Variants in CMC2 observed in about 807,000 individuals in gnomAD.
The protein encoded by CMC2 is COX assembly mitochondrial protein 2 homolog.
A neutral mutation model predicts 7.5 loss-of-function variants in CMC2; 5 were observed. The ratio of observed to expected loss-of-function variants is 0.66; its 90% CI spans 0.35 to 1.40. The LOEUF (loss-of-function observed/expected upper bound fraction) is 1.40. CMC2 is among the 40% of genes most tolerant of loss of function. The probability of loss-of-function intolerance (pLI) is 0.04; values close to 1 mark genes in which losing one functional copy is unlikely to be tolerated. For synonymous variants in CMC2, 37 were observed against 31.4 expected (o/e 1.18, Z -0.60); for missense variants, 115 against 92.3 (o/e 1.25, Z -1.01).
At chr16:80,980,270 T>C (rs1967022966) in intron 3 of CMC2, among the ~76,000 whole-genome samples, 1 of 151,214 alleles carries the variant, frequency 6.6e-6, no homozygotes, top group South Asian at 2.1e-4. Context: ...GGCTTTTTCA[T>C]ATAAAGGACA....
intron 2 of CMC2, chr16:80,983,251 G>C (rs1967268031): frequency 6.6e-6 from 1 of 152,212 alleles, no homozygotes; most frequent in South Asian, 2.1e-4. Context: ...GAGTCAAAAA[G>C]TTATATGTGG....
At position 80,980,261 on chromosome 16, in the gene CMC2, G is replaced by C. The variant is rs140846272; in HGVS notation, c.153+1545C>G. ...CTAGGTGTATTTTTCATGTAAACTG[G>C]CTTTTTCATATAAAGGACAAACATT... On this transcript the variant is annotated intron_variant, in intron 3 of 3. Transcript: ENST00000219400. Among the ~76,000 whole-genome samples the C allele has an allele frequency of 8.2e-4, 125 of 151,560 alleles. 1 individual carries two copies. The highest frequency in any genetic ancestry group is 2.8e-3 in the African/African-American group (115 of 41,248).
intron 1 of CMC2, 102 bp downstream of exon 1, chr16:81,006,632 G>C (rs1210360286): frequency 1.1e-6 from 1 of 881,998 alleles, no homozygotes; most frequent in Non-Finnish European, 1.4e-6. Flanking sequence ...CCACCTCCTG[G>C]GGCCGACGGG....
intron 3 of CMC2, among the ~76,000 whole-genome samples, chr16:80,981,106 C>T (rs1266000335): frequency 6.9e-6 from 1 of 144,190 alleles, no homozygotes; most frequent in East Asian, 2.0e-4. Flanking sequence ...TCAAAAATAA[C>T]AAAAATGATA....
rs1911859334 is a variant in CMC2, at chr16:80,970,785, T to C, written c.*5308A>G. The C allele has an allele frequency of 6.6e-6, 1 of 152,114 alleles. No individual in the cohort carries two copies. Among genetic ancestry groups the C allele is most frequent in the African/African-American group, 2.4e-5 (1 of 41,434 alleles). The allele number at this position is 152,114 out of a possible 1,614,324, so 9.4% of individuals were successfully genotyped here. ...ACTCCAATGTATCAGTAATAGGAAA[T>C]TAGAATAAATTGGATGCAGGGGCTC... On this transcript the variant is annotated 3_prime_UTR_variant, in exon 4 of 4. Coordinates refer to ENST00000219400, the MANE Select transcript of CMC2 (RefSeq NM_020188.5).
intron 2 of CMC2, among the ~76,000 whole-genome samples, chr16:80,995,232 T>C (rs997105821): frequency 3.4e-5 from 5 of 148,440 alleles, no homozygotes; most frequent in Non-Finnish European, 7.6e-5. Flanking sequence ...TAAATGTCCA[T>C]TAATAGGTAA....
chr16:81,005,441 A>ATAT (rs1597289398), intron 1 of CMC2, among the ~76,000 whole-genome samples: 3 of 139,248 alleles, frequency 2.2e-5, no homozygotes, highest in Admixed American at 7.2e-5. Flanking sequence ...TATATATATA[A>ATAT]ATAAATAACA....
intron 2 of CMC2, among the ~76,000 whole-genome samples, chr16:80,985,598 A>C (rs1235063642): frequency 3.9e-5 from 6 of 152,266 alleles, no homozygotes; most frequent in Non-Finnish European, 8.8e-5. Flanking sequence ...CCACATAAAC[A>C]ATAGCTCCCT....
At chr16:80,990,272 G>C (rs1235017106) in intron 2 of CMC2, among the ~76,000 whole-genome samples, 2 of 152,136 alleles carry the variant, frequency 1.3e-5, no homozygotes, top group Non-Finnish European at 2.9e-5. Context: ...CCAGGTTCAA[G>C]TGATTCTCCT....
At chr16:81,006,581 A>T in intron 1 of CMC2, 153 bp downstream of exon 1, 3 of 432,490 alleles carry the variant, frequency 6.9e-6, no homozygotes, top group Non-Finnish European at 9.3e-6. Flanking sequence ...CCAGCGCAGC[A>T]GCCCGGCTGT....
intron 3 of CMC2, among the ~76,000 whole-genome samples, chr16:80,977,845 G>A (rs1488962913): frequency 6.6e-6 from 1 of 152,208 alleles, no homozygotes; most frequent in Admixed American, 6.5e-5. Flanking sequence ...GCTGAGGCGA[G>A]CAGATCACCT....
intron 3 of CMC2, among the ~76,000 whole-genome samples, chr16:80,977,317 C>T (rs150863216): frequency 0.025 from 3,768 of 152,218 alleles, 82 homozygotes; most frequent in Non-Finnish European, 0.033. Flanking sequence ...AAATAGTTAA[C>T]CTACATTTAA....
intron 1 of CMC2, among the ~76,000 whole-genome samples, chr16:80,999,337 C>T (rs948427447): frequency 2.0e-5 from 3 of 152,046 alleles, no homozygotes. Flanking sequence ...AAATAAAATA[C>T]CCAGGAATAC....
At position 80,971,564 on chromosome 16, in the gene CMC2, T is replaced by TATATATATATA. The variant is rs1555512300; in HGVS notation, c.*4528_*4529insTATATATATAT. 98 of 121,244 alleles carry TATATATATATA rather than the reference T, an allele frequency of 8.1e-4. 3 individuals carry two copies. Among genetic ancestry groups the TATATATATATA allele is most frequent in the African/African-American group, 2.6e-3 (68 of 25,754 alleles). The allele number at this position is 121,244 out of a possible 1,614,324, so 7.5% of individuals were successfully genotyped here. A position where few individuals can be genotyped will look rare whatever the true frequency, so the allele number is the denominator to read the frequency against. On this transcript the variant is annotated 3_prime_UTR_variant, in exon 4 of 4. Coordinates refer to ENST00000219400, the MANE Select transcript of CMC2 (RefSeq NM_020188.5). ...CTATGGATACTGACATACATACATT[T>TATATATATATA]TATATATATATATATATATATGTAT...
At chr16:80,983,917 G>T (rs1967323358) in intron 2 of CMC2, 1 of 152,122 alleles carries the variant, frequency 6.6e-6, no homozygotes, top group South Asian at 2.1e-4. Context: ...GGAGGTGGAG[G>T]TTGCGGTGAG....
intron 1 of CMC2, among the ~76,000 whole-genome samples, chr16:81,005,091 C>G (rs905333787): frequency 2.6e-5 from 4 of 152,214 alleles, no homozygotes; most frequent in Non-Finnish European, 4.4e-5. Flanking sequence ...TCTGAAGAAA[C>G]TGTTCTCCAG....
rs1911596795 is a variant in CMC2, at chr16:80,966,953, C to T, written c.*9140G>A. Reference sequence around the variant, plus strand: ...GAGCCCGTCTTATTTTAATTACATCCAACAATGTACCTATCAAGTGATCTA... The same window carrying T: ...GAGCCCGTCTTATTTTAATTACATCTAACAATGTACCTATCAAGTGATCTA... On this transcript the variant is annotated 3_prime_UTR_variant, in exon 4 of 4. Coordinates refer to ENST00000219400, the MANE Select transcript of CMC2 (RefSeq NM_020188.5). The T allele has an allele frequency of 6.6e-6, 1 of 152,130 alleles. No individual in the cohort carries two copies. Among genetic ancestry groups the T allele is most frequent in the African/African-American group, 2.4e-5 (1 of 41,428 alleles). 9.4% of individuals were successfully genotyped at this position (152,130 alleles called of 1,614,324 possible).
intron 1 of CMC2, among the ~76,000 whole-genome samples, chr16:81,002,038 TAA>T (rs1968904916): frequency 1.3e-5 from 2 of 152,342 alleles, no homozygotes; most frequent in South Asian, 4.1e-4. Context: ...TTCAGCAATT[TAA>T]GTTATCCAAT....
chr16:80,995,435 C>T (rs1369973447), intron 2 of CMC2, among the ~76,000 whole-genome samples: 1 of 152,076 alleles, frequency 6.6e-6, no homozygotes, highest in Non-Finnish European at 1.5e-5. Flanking sequence ...GCGGGAGGAT[C>T]ACCTGAGGTC....
Sources: gnomAD v4.1 joint callset for allele counts (sites outside exome capture counted in the v4.1 genomes callset) on GRCh38, gnomAD v4.1.1 for gene constraint, MANE v1.5 for transcripts, NCBI Gene and HGNC (gene_info 2026-07-23, HGNC 2026-07-21) for gene names.